The following IMPG1 variants were observed in gnomAD, a reference collection of about 807,000 sequenced individuals.
IMPG1 encodes the protein interphotoreceptor matrix proteoglycan of 150 kDa.
A neutral mutation model predicts 92.0 loss-of-function variants in IMPG1; 85 were observed. The ratio of observed to expected loss-of-function variants is 0.92; its 90% CI spans 0.78 to 1.11. IMPG1 has a LOEUF of 1.11. Among genes scored for constraint, IMPG1 ranks in the 50% least tolerant of loss-of-function variants. The probability of loss-of-function intolerance (pLI) is 0.00; values close to 1 mark genes in which losing one functional copy is unlikely to be tolerated. For synonymous variants in IMPG1, 367 were observed against 334.1 expected, an observed-to-expected ratio of 1.10 and a Z score of -1.08; for missense variants, 1,022 against 956.0, an observed-to-expected ratio of 1.07 and a Z score of -0.91.
intron 1 of IMPG1, among the ~76,000 whole-genome samples, chr6:76,051,119 A>C (rs141570311): frequency 2.3e-4 from 35 of 152,246 alleles, no homozygotes; most frequent in African/African-American, 4.6e-4. Context: ...TAAAAAAAAA[A>C]CACAATTTAA....
chr6:76,049,336 C>G (rs578164104), intron 1 of IMPG1, among the ~76,000 whole-genome samples: 49 of 152,220 alleles, frequency 3.2e-4, no homozygotes, highest in Non-Finnish European at 5.4e-4. Flanking sequence ...TACCCCTGGA[C>G]CTAAAAGTTA....
chr6:75,924,554 A>ATTATG (rs1292760623), intron 15 of IMPG1, among the ~76,000 whole-genome samples: 1 of 34,404 alleles, frequency 2.9e-5, no homozygotes, highest in Non-Finnish European at 5.6e-5. Flanking sequence ...AATATAATTA[A>ATTATG]TATAATTATA....
intron 12 of IMPG1, among the ~76,000 whole-genome samples, chr6:75,975,939 A>G (rs1782525267): frequency 6.6e-6 from 1 of 152,220 alleles, no homozygotes; most frequent in African/African-American, 2.4e-5. Flanking sequence ...GTCAAAAAAT[A>G]TTATAATACT....
intron 2 of IMPG1, among the ~76,000 whole-genome samples, chr6:76,041,496 T>A (rs545965797): frequency 3.9e-5 from 6 of 152,300 alleles, no homozygotes; most frequent in African/African-American, 1.4e-4. Flanking sequence ...TTTTGAAAAA[T>A]GAAATCTTAA....
chr6:76,039,779 A>G (rs915595160), intron 2 of IMPG1, among the ~76,000 whole-genome samples: 6 of 152,224 alleles, frequency 3.9e-5, no homozygotes, highest in Admixed American at 2.6e-4. Flanking sequence ...GCTGGGGCAC[A>G]GAGTTCAGCC....
chr6:76,032,048 G>A (rs1386191001), intron 4 of IMPG1, among the ~76,000 whole-genome samples: 1 of 152,190 alleles, frequency 6.6e-6, no homozygotes, highest in African/African-American at 2.4e-5. Flanking sequence ...TCTTGGAAAG[G>A]TTTAAAGTAA....
chr6:75,961,782 C>T (rs751378147), intron 12 of IMPG1, among the ~76,000 whole-genome samples: 8 of 152,188 alleles, frequency 5.3e-5, no homozygotes, highest in Non-Finnish European at 1.2e-4. Flanking sequence ...GCTGGGAGAA[C>T]AGCATGGCCA....
intron 14 of IMPG1, among the ~76,000 whole-genome samples, chr6:75,938,581 G>A (rs1582053885): frequency 6.6e-6 from 1 of 152,272 alleles, no homozygotes; most frequent in Non-Finnish European, 1.5e-5. Context: ...TGGAGGCCAA[G>A]GCAGGTGGAT....
intron 12 of IMPG1, among the ~76,000 whole-genome samples, chr6:75,993,771 A>G (rs1782853756): frequency 6.6e-6 from 1 of 152,246 alleles, no homozygotes; most frequent in African/African-American, 2.4e-5. Flanking sequence ...TAAAATAGTC[A>G]CAGTGGCTTA....
chr6:75,983,094 G>A (rs1370877536), intron 12 of IMPG1, among the ~76,000 whole-genome samples: 2 of 151,706 alleles, frequency 1.3e-5, no homozygotes. Flanking sequence ...AGCACTAAAT[G>A]GGAACTATCT....
chr6:75,975,025 A>G (rs1782511550), intron 12 of IMPG1, among the ~76,000 whole-genome samples: 1 of 152,248 alleles, frequency 6.6e-6, no homozygotes, highest in Non-Finnish European at 1.5e-5. Flanking sequence ...TAAAATCACA[A>G]GTGAATCAGA....
chr6:76,061,000 G>C (rs562146410), intron 1 of IMPG1, among the ~76,000 whole-genome samples: 13 of 152,152 alleles, frequency 8.5e-5, no homozygotes, highest in African/African-American at 3.1e-4. Flanking sequence ...AAGGTATAGA[G>C]AATCTGAATT....
rs145680655 is a variant in IMPG1 at position 76,022,892 on chromosome 6, T to C, written c.563-673A>G. Among the ~76,000 whole-genome samples the C allele has an allele frequency of 7.5e-3, 1,135 of 152,334 alleles. 17 individuals are homozygous for C. The highest frequency in any genetic ancestry group is 0.026 in the African/African-American group (1,076 of 41,580). On this transcript the variant is annotated intron_variant, in intron 5 of 16. Transcript: ENST00000369950. Reference sequence around the variant, plus strand: ...GTGTTATAGTTAATTGGTTTATATTTAGCCAGAAACAACTTTCCATTTCAA... The same window carrying C: ...GTGTTATAGTTAATTGGTTTATATTCAGCCAGAAACAACTTTCCATTTCAA...
chr6:76,025,138 C>T (rs780364878), intron 5 of IMPG1, 56 bp downstream of exon 5: 154 of 948,178 alleles, frequency 1.6e-4, no homozygotes, highest in Non-Finnish European at 2.5e-4. Flanking sequence ...AAATAACATG[C>T]TATCATGATG....
intron 7 of IMPG1, 35 bp downstream of exon 7, chr6:76,018,683 C>A: frequency 6.3e-7 from 1 of 1,597,224 alleles, no homozygotes; most frequent in Non-Finnish European, 8.6e-7. Flanking sequence ...TCAGTCACAG[C>A]TTGAGGTGTG....
At chr6:76,027,135 T>A (rs1210212764) in intron 4 of IMPG1, among the ~76,000 whole-genome samples, 1 of 152,212 alleles carries the variant, frequency 6.6e-6, no homozygotes, top group Non-Finnish European at 1.5e-5. Flanking sequence ...CTTTACTCTT[T>A]AAGAAATAAA....
At chr6:76,060,579 C>T (rs1344112164) in intron 1 of IMPG1, among the ~76,000 whole-genome samples, 5 of 152,178 alleles carry the variant, frequency 3.3e-5, no homozygotes, top group South Asian at 2.1e-4. Context: ...TTTTGTGAGG[C>T]TGAAATCCTA....
intron 2 of IMPG1, among the ~76,000 whole-genome samples, chr6:76,041,537 A>G (rs1275513168): frequency 6.6e-6 from 1 of 152,218 alleles, no homozygotes; most frequent in African/African-American, 2.4e-5. Flanking sequence ...GATTCCTGAC[A>G]TTGCAATCAT....
intron 14 of IMPG1, among the ~76,000 whole-genome samples, chr6:75,939,570 T>C (rs1359010973): frequency 6.6e-6 from 1 of 152,252 alleles, no homozygotes; most frequent in Non-Finnish European, 1.5e-5. Context: ...ATGGTGTATA[T>C]GTGCCACATT....
Sources: allele counts gnomAD v4.1 joint callset (sites outside exome capture counted in the v4.1 genomes callset), GRCh38; gene constraint gnomAD v4.1.1; transcripts MANE v1.5; gene names NCBI Gene and HGNC (gene_info 2026-07-23, HGNC 2026-07-21).